Variants in PRKCE observed in about 807,000 individuals in gnomAD.
The protein encoded by PRKCE is protein kinase C epsilon type.
In PRKCE, 16 loss-of-function variants were observed where a neutral mutation model predicts 85.4. The observed-to-expected ratio is 0.19, with a 90% CI of 0.13 to 0.28. PRKCE has a LOEUF of 0.28. Among genes scored for constraint, PRKCE ranks in the 10% least tolerant of loss-of-function variants. PRKCE has a pLI of 1.00. For missense variants in PRKCE, 573 were observed against 975.2 expected (o/e 0.59, Z 5.49); for synonymous variants, 388 against 371.5 (o/e 1.04, Z -0.51).
intron 10 of PRKCE, among the ~76,000 whole-genome samples, chr2:46,015,691 C>CAAAAAAAAAAAAAAAAAAAA (rs749060776): frequency 1.2e-5 from 1 of 80,796 alleles, no homozygotes; most frequent in Non-Finnish European, 2.5e-5. Context: ...AACACTAAAC[C>CAAAAAAAAAAAAAAAAAAAA]AAAAAAAAAA....
At chr2:46,167,533 C>A (rs114820653) in intron 14 of PRKCE, among the ~76,000 whole-genome samples, 1,881 of 152,242 alleles carry the variant, frequency 0.012, 26 homozygotes, top group African/African-American at 0.043. Flanking sequence ...CATTACAGGG[C>A]AGAAAGCATC....
At chr2:45,735,673 T>C (rs1446345675) in intron 1 of PRKCE, among the ~76,000 whole-genome samples, 1 of 152,154 alleles carries the variant, frequency 6.6e-6, no homozygotes, top group Non-Finnish European at 1.5e-5. Context: ...AAGCAAAGTG[T>C]TGGAGGAACC....
At chr2:45,766,800 G>A (rs1001617405) in intron 1 of PRKCE, among the ~76,000 whole-genome samples, 2 of 152,216 alleles carry the variant, frequency 1.3e-5, no homozygotes, top group African/African-American at 4.8e-5. Context: ...AGCACTTTGG[G>A]AGGCCAAGGT....
intron 1 of PRKCE, among the ~76,000 whole-genome samples, chr2:45,731,176 G>T (rs919924468): frequency 2.6e-5 from 4 of 152,152 alleles, no homozygotes; most frequent in African/African-American, 7.2e-5. Context: ...TTTGTGTTTA[G>T]AGAGGAAGAT....
chr2:45,846,329 C>T (rs1691785883), intron 2 of PRKCE, among the ~76,000 whole-genome samples: 1 of 152,192 alleles, frequency 6.6e-6, no homozygotes, highest in South Asian at 2.1e-4. Context: ...GATTCACAGG[C>T]TTACCGATGA....
intron 1 of PRKCE, among the ~76,000 whole-genome samples, chr2:45,660,202 G>A (rs938345981): frequency 6.6e-6 from 1 of 152,138 alleles, no homozygotes; most frequent in African/African-American, 2.4e-5. Context: ...ATGGCATCTC[G>A]ATAGAAACCA....
At chr2:45,673,141 G>A (rs1676258206) in intron 1 of PRKCE, among the ~76,000 whole-genome samples, 1 of 152,056 alleles carries the variant, frequency 6.6e-6, no homozygotes, top group African/African-American at 2.4e-5. Context: ...CCTACTTTCT[G>A]AACTCTCTGG....
At chr2:45,949,212 A>C (rs944717530) in intron 2 of PRKCE, among the ~76,000 whole-genome samples, 1 of 152,220 alleles carries the variant, frequency 6.6e-6, no homozygotes, top group African/African-American at 2.4e-5. Context: ...TGGTTACATT[A>C]GCTCACATCC....
At position 45,980,371 on chromosome 2, in the gene PRKCE, C is replaced by A. The variant is rs777002359; in HGVS notation, c.683C>A (p.Thr228Asn). The change falls in exon 5 of 15, where the codon ACC (threonine) becomes AAC (asparagine). Residue 228 changes from threonine (T) to asparagine (N), a missense_variant. Thr to Asn is a moderately conservative substitution (Grantham distance 65). Transcript: ENST00000306156. ...TGTGCTGGGTTAAAGAAGCAGGAGA[C>A]CCCCGACCAGGTAAGTGTTGGTGAC... ...TKCAGLKKQE[T>N]PDQVGSQRFS... 6.9e-6 allele frequency: 11 copies of A among 1,599,694 alleles called. No homozygotes were observed. The highest frequency in any genetic ancestry group is 4.4e-5 in the South Asian group (4 of 91,082).
chr2:46,084,794 T>C (rs193258838), intron 10 of PRKCE, among the ~76,000 whole-genome samples: 13 of 151,888 alleles, frequency 8.6e-5, no homozygotes, highest in Non-Finnish European at 1.3e-4. Context: ...TTCGCTAACC[T>C]TCCTCTACAA....
chr2:45,802,277 A>G (rs889720349), intron 1 of PRKCE, among the ~76,000 whole-genome samples: 1 of 152,148 alleles, frequency 6.6e-6, no homozygotes, highest in African/African-American at 2.4e-5. Flanking sequence ...ATGAGTAAAT[A>G]AATAAGCAAA....
chr2:45,739,717 A>G (rs745687882), intron 1 of PRKCE, among the ~76,000 whole-genome samples: 9 of 152,104 alleles, frequency 5.9e-5, no homozygotes, highest in Non-Finnish European at 1.2e-4. Flanking sequence ...TTGAGTACAA[A>G]GGGGCCCAGG....
intron 1 of PRKCE, among the ~76,000 whole-genome samples, chr2:45,659,648 TA>T (rs1474963717): frequency 2.0e-5 from 3 of 152,196 alleles, no homozygotes; most frequent in Non-Finnish European, 4.4e-5. Context: ...TGACACCCCT[TA>T]AATGCACTTA....
chr2:46,066,236 C>T (rs151130420), intron 10 of PRKCE, among the ~76,000 whole-genome samples: 5 of 152,308 alleles, frequency 3.3e-5, no homozygotes, highest in African/African-American at 1.2e-4. Context: ...TTTGATGTAT[C>T]TGTTTTTCCC....
At chr2:45,935,563 G>C (rs990244158) in intron 2 of PRKCE, among the ~76,000 whole-genome samples, 15 of 152,128 alleles carry the variant, frequency 9.9e-5, no homozygotes, top group African/African-American at 3.6e-4. Context: ...AAGGCAGGTG[G>C]ATCACTTGAG....
intron 12 of PRKCE, among the ~76,000 whole-genome samples, chr2:46,150,017 C>T (rs181766344): frequency 1.3e-5 from 2 of 152,074 alleles, no homozygotes; most frequent in Non-Finnish European, 2.9e-5. Flanking sequence ...CCACCATGCC[C>T]AGCTAATTTT....
At chr2:46,111,492 A>T (rs995861672) in intron 11 of PRKCE, among the ~76,000 whole-genome samples, 1 of 152,168 alleles carries the variant, frequency 6.6e-6, no homozygotes, top group Non-Finnish European at 1.5e-5. Flanking sequence ...ATCATCCCCT[A>T]GTCCTTCCAT....
chr2:45,947,992 C>A (rs968095071), intron 2 of PRKCE, among the ~76,000 whole-genome samples: 1 of 152,154 alleles, frequency 6.6e-6, no homozygotes, highest in African/African-American at 2.4e-5. Context: ...ATAAGACTGA[C>A]CTGCCACCCC....
chr2:46,049,591 T>G (rs1708732562), intron 10 of PRKCE, among the ~76,000 whole-genome samples: 1 of 152,136 alleles, frequency 6.6e-6, no homozygotes, highest in Non-Finnish European at 1.5e-5. Flanking sequence ...CAGCTGCAGG[T>G]GTAATACCCG....
Sources: gnomAD v4.1 joint callset for allele counts (sites outside exome capture counted in the v4.1 genomes callset) on GRCh38, gnomAD v4.1.1 for gene constraint, MANE v1.5 for transcripts, NCBI Gene and HGNC (gene_info 2026-07-23, HGNC 2026-07-21) for gene names.